TRAPPC8: variants seen among roughly 807,000 people sequenced by gnomAD.
TRAPPC8 encodes the protein general sporulation gene 1 homolog.
TRAPPC8 carries 54 observed loss-of-function variants against 174.3 expected under a neutral mutation model. That is an observed-to-expected ratio of 0.31 (90% confidence interval 0.25 to 0.39). TRAPPC8 has a LOEUF of 0.39. TRAPPC8 is among the 10% of genes least tolerant of loss of function. The pLI is 1.00. For synonymous variants in TRAPPC8, 630 were observed against 579.9 expected, an observed-to-expected ratio of 1.09 and a Z score of -1.24; for missense variants, 1,531 against 1,699.1, an observed-to-expected ratio of 0.90 and a Z score of 1.74.
chr18:31,842,196 C>T (rs2033140833), intron 26 of TRAPPC8, among the ~76,000 whole-genome samples: 1 of 152,162 alleles, frequency 6.6e-6, no homozygotes, highest in South Asian at 2.1e-4. Context: ...TACCTTTGTC[C>T]AAGGTGTGTC....
chr18:31,933,110 G>A (rs1340237212), intron 1 of TRAPPC8, among the ~76,000 whole-genome samples: 1 of 151,688 alleles, frequency 6.6e-6, no homozygotes, highest in Non-Finnish European at 1.5e-5. Context: ...GACCATCCTG[G>A]CTAACACGGT....
chr18:31,905,080 T>C (rs1415874617), intron 9 of TRAPPC8, among the ~76,000 whole-genome samples: 8 of 152,034 alleles, frequency 5.3e-5, no homozygotes, highest in Non-Finnish European at 1.2e-4. Flanking sequence ...TTTGCTGTGA[T>C]ATTTATTTTG....
intron 12 of TRAPPC8, among the ~76,000 whole-genome samples, chr18:31,880,200 C>G (rs151178515): frequency 1.5e-4 from 21 of 144,120 alleles, no homozygotes; most frequent in African/African-American, 5.4e-4. Flanking sequence ...GACATACACA[C>G]AAAAAGAAAA....
chr18:31,926,414 G>A (rs1316950196), intron 2 of TRAPPC8: 1 of 151,842 alleles, frequency 6.6e-6, no homozygotes, highest in African/African-American at 2.4e-5. Context: ...AAATACAGTT[G>A]AAGAAGTCTG....
chr18:31,841,667 T>C (rs1008503635), intron 26 of TRAPPC8, among the ~76,000 whole-genome samples: 1 of 152,214 alleles, frequency 6.6e-6, no homozygotes, highest in South Asian at 2.1e-4. Flanking sequence ...AAAATTATAA[T>C]TTTATATGCC....
intron 26 of TRAPPC8, among the ~76,000 whole-genome samples, chr18:31,839,884 C>T (rs1386498405): frequency 1.3e-5 from 2 of 152,184 alleles, no homozygotes; most frequent in African/African-American, 4.8e-5. Context: ...ATTTTAATAG[C>T]TGAAAATCTA....
chr18:31,907,216 C>T (rs950598439), intron 9 of TRAPPC8, among the ~76,000 whole-genome samples: 50 of 152,216 alleles, frequency 3.3e-4, no homozygotes, highest in Admixed American at 1.8e-3. Context: ...CGCTTGGGCT[C>T]AAGCAATTCT....
At chr18:31,867,540 T>C (rs988852510) in intron 16 of TRAPPC8, 64 bp from the exon 17 acceptor site, 2 of 1,047,238 alleles carry the variant, frequency 1.9e-6, no homozygotes, top group Non-Finnish European at 2.9e-6. Flanking sequence ...TTAACACTCC[T>C]ATATATCAAT....
intron 5 of TRAPPC8, among the ~76,000 whole-genome samples, chr18:31,912,505 T>C (rs2090212925): frequency 6.8e-6 from 1 of 146,894 alleles, no homozygotes; most frequent in Admixed American, 6.8e-5. Flanking sequence ...AAAAAAAAAA[T>C]TAGCCGGGCA....
At chr18:31,939,176 A>G (rs1265216249) in intron 1 of TRAPPC8, among the ~76,000 whole-genome samples, 2 of 151,546 alleles carry the variant, frequency 1.3e-5, no homozygotes, top group African/African-American at 4.8e-5. Flanking sequence ...TCTAAAATGT[A>G]TTTATACCAG....
intron 16 of TRAPPC8, chr18:31,870,013 A>AC (rs2034769751): frequency 6.5e-6 from 1 of 153,772 alleles, no homozygotes; most frequent in African/African-American, 2.4e-5. Context: ...AATCACTTGA[A>AC]CCTGGGAGGC....
chr18:31,920,992 T>C (rs1165109821), intron 2 of TRAPPC8, among the ~76,000 whole-genome samples: 1 of 149,074 alleles, frequency 6.7e-6, no homozygotes, highest in African/African-American at 2.5e-5. Context: ...GTGGTGCACA[T>C]CTTTAGTCCC....
chr18:31,873,352 GTT>G, intron 14 of TRAPPC8, 76 bp downstream of exon 14: 1 of 1,214,804 alleles, frequency 8.2e-7, no homozygotes, highest in Non-Finnish European at 1.2e-6. Flanking sequence ...ACTATACATC[GTT>G]TTTTAAATGG....
intron 19 of TRAPPC8, among the ~76,000 whole-genome samples, chr18:31,862,521 A>C (rs1440332063): frequency 1.3e-5 from 2 of 152,148 alleles, no homozygotes; most frequent in Non-Finnish European, 2.9e-5. Flanking sequence ...TGGAACTAAA[A>C]AACAAAGTTT....
chr18:31,867,265 T>C, intron 17 of TRAPPC8, 137 bp downstream of exon 17: 1 of 729,606 alleles, frequency 1.4e-6, no homozygotes, highest in South Asian at 1.8e-5. Flanking sequence ...TCCTGAGCAA[T>C]TCCTATGTCC....
intron 2 of TRAPPC8, among the ~76,000 whole-genome samples, chr18:31,919,651 G>C (rs1437955269): frequency 2.6e-5 from 4 of 151,442 alleles, no homozygotes; most frequent in Non-Finnish European, 5.9e-5. Flanking sequence ...GAGCCCAGGA[G>C]TTTGAGACCA....
chr18:31,878,792 C>A (rs533328977), intron 12 of TRAPPC8, among the ~76,000 whole-genome samples: 187 of 151,790 alleles, frequency 1.2e-3, no homozygotes, highest in Middle Eastern at 3.4e-3. Context: ...ATCAATCACG[C>A]AAATGGAAAA....
rs2038423444 is a variant in TRAPPC8, at chr18:31,943,097, G to A, written c.-333C>T. 2 of 414,188 alleles carry A rather than the reference G, an allele frequency of 4.8e-6. No homozygotes were observed. The highest frequency in any genetic ancestry group is 8.4e-6 in the Non-Finnish European group (2 of 239,334). 25.7% of individuals were successfully genotyped at this position (414,188 alleles called of 1,614,324 possible). ...TGCCCGGCCGGAACCGCCATGTTGA[G>A]GCCGAACCCTGACCAACCGGCAGTA... On this transcript the variant is annotated 5_prime_UTR_variant, in exon 1 of 29. Transcript: ENST00000283351.
rs183567887 is a variant in TRAPPC8 at position 31,934,217 on chromosome 18, T to C, written c.158-2694A>G. On this transcript the variant is annotated intron_variant, in intron 1 of 28. Transcript: ENST00000283351. ...AAAATGGTACATGCAAATTCTATGA[T>C]AGTGGTTGCCTATAAAAGGAAGGAA... Among the ~76,000 whole-genome samples, 1,174 of 150,774 alleles carry C rather than the reference T, an allele frequency of 7.8e-3. 19 individuals carry two copies. Among genetic ancestry groups the C allele is most frequent in the African/African-American group, 0.027 (1,096 of 41,158 alleles).
Sources: gnomAD v4.1 joint callset for allele counts (sites outside exome capture counted in the v4.1 genomes callset) on GRCh38, gnomAD v4.1.1 for gene constraint, MANE v1.5 for transcripts, NCBI Gene and HGNC (gene_info 2026-07-23, HGNC 2026-07-21) for gene names.